Variants in MALRD1 observed in about 807,000 individuals in gnomAD.
MALRD1 encodes MAM and LDL receptor class A domain containing 1, also known as MAM and LDL-receptor class A domain-containing protein 1.
Under a neutral mutation model 242.1 loss-of-function variants are expected in MALRD1, and 247 were observed. The observed-to-expected ratio is 1.02, with a 90% CI of 0.92 to 1.13. MALRD1 has a LOEUF of 1.13. Among genes scored for constraint, MALRD1 ranks in the 50% most tolerant of loss-of-function variants. The pLI is 0.00. For synonymous variants in MALRD1, 995 were observed against 866.6 expected, an observed-to-expected ratio of 1.15 and a Z score of -2.60; for missense variants, 2,989 against 2,533.1, an observed-to-expected ratio of 1.18 and a Z score of -3.86.
At chr10:19,461,436 T>C (rs564741626) in intron 29 of MALRD1, among the ~76,000 whole-genome samples, 1 of 152,302 alleles carries the variant, frequency 6.6e-6, no homozygotes, top group Non-Finnish European at 1.5e-5. Context: ...CTATGTTAAC[T>C]AGATTTACTC....
intron 28 of MALRD1, among the ~76,000 whole-genome samples, chr10:19,427,591 A>G (rs1833950331): frequency 6.6e-6 from 1 of 152,094 alleles, no homozygotes; most frequent in Non-Finnish European, 1.5e-5. Flanking sequence ...TCTGGGTTCA[A>G]TCTCTTAAAT....
chr10:19,594,268 C>G (rs545444275), intron 33 of MALRD1, among the ~76,000 whole-genome samples: 9 of 152,218 alleles, frequency 5.9e-5, no homozygotes, highest in Admixed American at 3.9e-4. Context: ...TGTCAGTTTT[C>G]ATGTCAATGA....
intron 5 of MALRD1, among the ~76,000 whole-genome samples, chr10:19,115,050 T>C (rs1836821308): frequency 1.3e-5 from 2 of 152,172 alleles, no homozygotes. Context: ...GGGTTAACAG[T>C]TCAACATAGG....
At chr10:19,227,444 T>A (rs1837847276) in intron 18 of MALRD1, among the ~76,000 whole-genome samples, 1 of 152,070 alleles carries the variant, frequency 6.6e-6, no homozygotes, top group African/African-American at 2.4e-5. Flanking sequence ...AACTTCAGAA[T>A]TACCTCACAC....
intron 36 of MALRD1, among the ~76,000 whole-genome samples, chr10:19,645,783 A>G (rs933393442): frequency 6.6e-6 from 1 of 152,170 alleles, no homozygotes; most frequent in African/African-American, 2.4e-5. Flanking sequence ...ATGCTAAATG[A>G]CGAGTTAATG....
At chr10:19,417,699 A>T (rs1833563722) in intron 28 of MALRD1, among the ~76,000 whole-genome samples, 1 of 152,202 alleles carries the variant, frequency 6.6e-6, no homozygotes, top group Non-Finnish European at 1.5e-5. Flanking sequence ...TCACATCAGC[A>T]TTCCAGAATG....
intron 24 of MALRD1, among the ~76,000 whole-genome samples, chr10:19,343,740 T>A (rs186483606): frequency 6.6e-6 from 1 of 152,270 alleles, no homozygotes; most frequent in Admixed American, 6.6e-5. Context: ...CATACCCTGG[T>A]GCTATTTTCC....
chr10:19,404,459 A>G (rs1028498695), intron 28 of MALRD1, among the ~76,000 whole-genome samples: 1 of 152,086 alleles, frequency 6.6e-6, no homozygotes, highest in African/African-American at 2.4e-5. Flanking sequence ...TTTCTGATGT[A>G]TGTTGCTCCC....
At chr10:19,532,231 A>G (rs1165179983) in intron 32 of MALRD1, among the ~76,000 whole-genome samples, 1 of 152,160 alleles carries the variant, frequency 6.6e-6, no homozygotes, top group Admixed American at 6.6e-5. Context: ...CAAAATTATG[A>G]TTTCAAAAAT....
intron 24 of MALRD1, among the ~76,000 whole-genome samples, chr10:19,337,428 T>A (rs1843661804): frequency 1.3e-5 from 2 of 152,168 alleles, no homozygotes; most frequent in African/African-American, 4.8e-5. Flanking sequence ...TTAAGCTTTT[T>A]AGTTATAGCC....
chr10:19,504,721 G>A (rs1838126567), intron 31 of MALRD1, among the ~76,000 whole-genome samples: 1 of 133,266 alleles, frequency 7.5e-6, no homozygotes, highest in Non-Finnish European at 1.5e-5. Context: ...TGTCGCCCAG[G>A]CCGGACTGCG....
chr10:19,731,971 G>A (rs76352144), intron 39 of MALRD1, among the ~76,000 whole-genome samples: 4,537 of 152,170 alleles, frequency 0.03, 219 homozygotes, highest in African/African-American at 0.089. Context: ...GCCTAACAAA[G>A]CACTTGACTT....
intron 19 of MALRD1, among the ~76,000 whole-genome samples, chr10:19,273,628 A>G (rs1840361119): frequency 6.6e-6 from 1 of 152,208 alleles, no homozygotes; most frequent in Non-Finnish European, 1.5e-5. Context: ...GCCAATATGA[A>G]AAGGCTACAT....
In MALRD1 at chr10:19,373,203, C is replaced by CAAAAAAAAAAAAAAAAT. The variant is rs1845459508; in HGVS notation, c.4442-14309_4442-14308insTAAAAAAAAAAAAAAAA. On this transcript the variant is annotated intron_variant, in intron 26 of 39. Coordinates refer to ENST00000454679, the MANE Select transcript of MALRD1 (RefSeq NM_001142308.3). ...CTTGCATTTCAGCAAACGCTAAATA[C>CAAAAAAAAAAAAAAAAT]AAAAAAAAAAAAAAAAATAAGGGGC... Among the ~76,000 whole-genome samples, 8 of 114,884 alleles carry CAAAAAAAAAAAAAAAAT rather than the reference C, an allele frequency of 7.0e-5. 1 individual carries two copies. Among genetic ancestry groups the CAAAAAAAAAAAAAAAAT allele is most frequent in the Non-Finnish European group, 1.1e-4 (6 of 57,120 alleles). The allele number at this position is 114,884 out of a possible 152,430, so 75.4% of individuals were successfully genotyped here. A position where few individuals can be genotyped will look rare whatever the true frequency, so the allele number is the denominator to read the frequency against.
At chr10:19,050,794 G>A (rs1040885014) in intron 1 of MALRD1, among the ~76,000 whole-genome samples, 1 of 152,196 alleles carries the variant, frequency 6.6e-6, no homozygotes, top group African/African-American at 2.4e-5. Context: ...GGTTTGACAA[G>A]CAGTGCCAAG....
chr10:19,288,399 A>T (rs1348217145), intron 21 of MALRD1, among the ~76,000 whole-genome samples: 1 of 151,748 alleles, frequency 6.6e-6, no homozygotes, highest in Non-Finnish European at 1.5e-5. Context: ...CATTCTTTCT[A>T]TTTTTTATAT....
At chr10:19,216,902 C>T (rs1221687760) in intron 18 of MALRD1, among the ~76,000 whole-genome samples, 1 of 149,558 alleles carries the variant, frequency 6.7e-6, no homozygotes, top group African/African-American at 2.5e-5. Context: ...GCCAAGATCA[C>T]GCCACTGCAC....
At chr10:19,533,925 A>G (rs1207870959) in intron 32 of MALRD1, among the ~76,000 whole-genome samples, 1 of 152,222 alleles carries the variant, frequency 6.6e-6, no homozygotes, top group Non-Finnish European at 1.5e-5. Flanking sequence ...CTAAGCATTT[A>G]ATGCAGAGGA....
intron 24 of MALRD1, among the ~76,000 whole-genome samples, chr10:19,338,160 C>G (rs114456291): frequency 0.021 from 3,128 of 152,052 alleles, 59 homozygotes; most frequent in African/African-American, 0.037. Flanking sequence ...ATCGATAAAC[C>G]TACAATGACA....
Sources: gnomAD v4.1 joint callset for allele counts (sites outside exome capture counted in the v4.1 genomes callset) on GRCh38, gnomAD v4.1.1 for gene constraint, MANE v1.5 for transcripts, NCBI Gene and HGNC (gene_info 2026-07-23, HGNC 2026-07-21) for gene names.